CCDC30: variants seen among roughly 807,000 people sequenced by gnomAD.
CCDC30 encodes coiled-coil domain containing 30.
CCDC30 carries 70 observed loss-of-function variants against 100.2 expected under a neutral mutation model. That is an observed-to-expected ratio of 0.70 (90% confidence interval 0.58 to 0.85). CCDC30 has a LOEUF of 0.85. Among genes scored for constraint, CCDC30 ranks in the 40% least tolerant of loss-of-function variants. CCDC30 has a pLI of 0.00. For synonymous variants in CCDC30, 233 were observed against 269.5 expected, an observed-to-expected ratio of 0.86 and a Z score of 1.33; for missense variants, 652 against 771.2, an observed-to-expected ratio of 0.85 and a Z score of 1.83.
intron 11 of CCDC30, among the ~76,000 whole-genome samples, chr1:42,625,326 TG>T (rs35306195): frequency 0.2 from 29,832 of 152,048 alleles, 3,736 homozygotes; most frequent in Non-Finnish European, 0.26. Context: ...AACAACTTTT[TG>T]TTTCATTGAT....
intron 1 of CCDC30, among the ~76,000 whole-genome samples, chr1:42,470,971 A>G (rs890326801): frequency 2.6e-5 from 4 of 152,234 alleles, no homozygotes; most frequent in Non-Finnish European, 5.9e-5. Context: ...ATGTATATTT[A>G]CAACAATTAA....
At chr1:42,637,278 A>T in exon 12 of CCDC30, 1 of 1,582,482 alleles carries the variant, frequency 6.3e-7, no homozygotes, top group Non-Finnish European at 8.5e-7. Context: ...GTCAAGCTTC[A>T]AAAAGTCAAG....
rs76083995 is a variant in CCDC30 at position 42,603,792 on chromosome 1, T to C, written c.1165-7186T>C. On this transcript the variant is annotated intron_variant, in intron 10 of 16. Transcript: ENST00000668663. ...GCTCCTTGGTATTTACCCAAAGGAG[T>C]TGAAAAAGTTATGCCTACCCAAAAC... Among the ~76,000 whole-genome samples, 300 of 152,164 alleles carry C rather than the reference T, an allele frequency of 2.0e-3. 5 individuals are homozygous for C. The highest frequency in any genetic ancestry group is 4.6e-3 in the African/African-American group (192 of 41,522).
intron 15 of CCDC30, 83 bp from the exon 20 acceptor site, chr1:42,653,293 T>C (rs891550956): frequency 7.2e-6 from 5 of 694,626 alleles, no homozygotes; most frequent in Non-Finnish European, 1.2e-5. Context: ...ATTGTATCTA[T>C]TATATATATA....
exon 8 of CCDC30, chr1:42,577,178 A>G (rs1645857382): frequency 1.2e-6 from 2 of 1,614,126 alleles, no homozygotes; most frequent in East Asian, 2.2e-5. Flanking sequence ...AGAACAACCT[A>G]CAGGAAAAGC....
At chr1:42,600,161 A>G (rs1646373893) in intron 10 of CCDC30, among the ~76,000 whole-genome samples, 1 of 152,206 alleles carries the variant, frequency 6.6e-6, no homozygotes, top group African/African-American at 2.4e-5. Flanking sequence ...GGGTGGGGAC[A>G]GAGAGTCAAA....
intron 9 of CCDC30, among the ~76,000 whole-genome samples, chr1:42,588,149 C>T (rs1172891593): frequency 6.6e-6 from 1 of 152,140 alleles, no homozygotes; most frequent in Non-Finnish European, 1.5e-5. Flanking sequence ...GGGTCAGTCT[C>T]CTGAGGGAGG....
At chr1:42,610,889 T>G in intron 10 of CCDC30, 89 bp from the exon 15 acceptor site, 1 of 622,386 alleles carries the variant, frequency 1.6e-6, no homozygotes, top group Non-Finnish European at 2.8e-6. Context: ...ATAAGCTTTT[T>G]TTTTTTTTTT....
intron 11 of CCDC30, among the ~76,000 whole-genome samples, chr1:42,617,333 T>G (rs1015408206): frequency 6.6e-6 from 1 of 152,094 alleles, no homozygotes; most frequent in Non-Finnish European, 1.5e-5. Flanking sequence ...AATGGCAGAA[T>G]AAGAGAGCAG....
intron 10 of CCDC30, chr1:42,593,436 C>T (rs1646226070): frequency 6.6e-6 from 1 of 152,262 alleles, no homozygotes; most frequent in South Asian, 2.1e-4. Context: ...TCCACATATT[C>T]AGCAACCTAG....
At chr1:42,580,748 A>G (rs549255430) in intron 8 of CCDC30, 3 of 428,248 alleles carry the variant, frequency 7.0e-6, no homozygotes, top group Non-Finnish European at 1.4e-5. Context: ...TAGTTCTCCC[A>G]GAGCATTAAA....
At chr1:42,614,512 C>T (rs574491923) in intron 11 of CCDC30, among the ~76,000 whole-genome samples, 33 of 152,036 alleles carry the variant, frequency 2.2e-4, no homozygotes, top group East Asian at 1.9e-4. Context: ...CAGGGCCAGG[C>T]GCAGTGGCTT....
At chr1:42,590,634 G>C (rs1646167908) in intron 10 of CCDC30, 1 of 152,256 alleles carries the variant, frequency 6.6e-6, no homozygotes, top group Non-Finnish European at 1.5e-5. Flanking sequence ...CTACTCAGGA[G>C]GCTGAGGTGG....
intron 12 of CCDC30, among the ~76,000 whole-genome samples, chr1:42,639,958 C>T (rs1647269654): frequency 9.0e-6 from 1 of 111,102 alleles, no homozygotes; most frequent in Non-Finnish European, 1.8e-5. Flanking sequence ...AAGAGTGAAA[C>T]TTCGTCTCAA....
chr1:42,629,967 C>CTT (rs1647004846), intron 11 of CCDC30, among the ~76,000 whole-genome samples: 1 of 124,472 alleles, frequency 8.0e-6, no homozygotes, highest in African/African-American at 3.3e-5. Context: ...ATATGTCCCC[C>CTT]TATTTTTTTT....
At chr1:42,457,572 G>A in the CCDC30 span, 1 of 572,080 alleles carries the variant, frequency 1.7e-6, no homozygotes, top group Non-Finnish European at 3.1e-6. Flanking sequence ...GTGGAGGTAT[G>A]TACAAAGTGC....
At position 42,619,794 on chromosome 1, in the gene CCDC30, G is replaced by A. The variant is rs578183229; in HGVS notation, c.1277+8704G>A. On this transcript the variant is annotated intron_variant, in intron 11 of 16. Coordinates refer to ENST00000668663, the Ensembl canonical transcript of CCDC30. ...TTATTCTCTATAGATGCAAATCCCC[G>A]CCCCCCATCCACCTGCTCCCATGAA... 9.9e-5 allele frequency among the ~76,000 whole-genome samples: 15 copies of A among 152,082 alleles called. 1 individual carries two copies. The highest frequency in any genetic ancestry group is 4.2e-4 in the South Asian group (2 of 4,810).
chr1:42,561,169 GC>G (rs1356813605), intron 6 of CCDC30, among the ~76,000 whole-genome samples: 2 of 152,078 alleles, frequency 1.3e-5, no homozygotes, highest in African/African-American at 4.8e-5. Flanking sequence ...AAAACTTCAG[GC>G]CAATATCCCT....
chr1:42,535,042 A>G (rs1228898235), intron 6 of CCDC30: 2 of 152,204 alleles, frequency 1.3e-5, no homozygotes, highest in Non-Finnish European at 2.9e-5. Context: ...GGTAAGGCAG[A>G]CACCATAAGG....
Sources: allele counts gnomAD v4.1 joint callset (sites outside exome capture counted in the v4.1 genomes callset), GRCh38; gene constraint gnomAD v4.1.1; transcripts MANE v1.5; gene names NCBI Gene and HGNC (gene_info 2026-07-23, HGNC 2026-07-21).